Variants in NLRC5 observed in about 807,000 individuals in gnomAD.
The protein encoded by NLRC5 is NLR family CARD domain containing 5, also known as protein NLRC5.
Under a neutral mutation model 206.9 loss-of-function variants are expected in NLRC5, and 114 were observed. The ratio of observed to expected loss-of-function variants is 0.55; its 90% CI spans 0.47 to 0.64. NLRC5 has a LOEUF of 0.64. Ranked by LOEUF, NLRC5 falls within the 30% of genes least tolerant of loss-of-function variation. The pLI is 0.00. For missense variants in NLRC5, 2,008 were observed against 2,305.5 expected, an observed-to-expected ratio of 0.87 and a Z score of 2.64; for synonymous variants, 952 against 962.8, an observed-to-expected ratio of 0.99 and a Z score of 0.21.
At chr16:56,993,595 G>A (rs1291323041) in intron 1 of NLRC5, among the ~76,000 whole-genome samples, 1 of 152,092 alleles carries the variant, frequency 6.6e-6, no homozygotes, top group Non-Finnish European at 1.5e-5. Context: ...AGCTGGAGGG[G>A]GAGGGGCCAA....
rs551689369 is a variant in NLRC5 at position 57,027,977 on chromosome 16, T to G, written c.2076-95T>G. 277 of 723,284 alleles carry G rather than the reference T, an allele frequency of 3.8e-4. 2 individuals are homozygous for G. The East Asian group carries it at 6.2e-3, about 16-fold the overall frequency. The allele number at this position is 723,284 out of a possible 1,614,324, so 44.8% of individuals were successfully genotyped here. On this transcript the variant is annotated intron_variant, in intron 6 of 48. Transcript: ENST00000688547. ...GGCCATAATATGTATTTGTTAGTAC[T>G]ACTGTATTAAGCCCCATCTCTCTGA...
intron 4 of NLRC5, among the ~76,000 whole-genome samples, chr16:57,022,727 G>A (rs1398657769): frequency 2.0e-5 from 3 of 152,246 alleles, no homozygotes. Flanking sequence ...TTCAGCGGGG[G>A]AGCCTTTGGC....
chr16:57,006,330 CCT>C (rs2058897056), intron 1 of NLRC5, among the ~76,000 whole-genome samples: 1 of 151,042 alleles, frequency 6.6e-6, no homozygotes, highest in African/African-American at 2.4e-5. Context: ...TATTCTACAC[CCT>C]GTTTTGCCCC....
At position 57,077,349 on chromosome 16, in the gene NLRC5, T is replaced by C. The variant is rs143191901; in HGVS notation, c.4889T>C (p.Leu1630Pro). Residue 1630 changes from leucine to proline, a missense_variant, in exon 41 of 49, where the codon CTG becomes CCG. Coordinates refer to ENST00000688547, the MANE Select transcript of NLRC5 (RefSeq NM_001384950.1). The part of the protein sequence containing the change: ...DAGVQHLATI[L>P]PGLPELRKID... ...GGTGTCCAGCACTTAGCTACCATCCTGCCTGGGCTGCCAGAGCTCAGGAAG... is the reference window on the plus strand; with the variant it reads ...GGTGTCCAGCACTTAGCTACCATCCCGCCTGGGCTGCCAGAGCTCAGGAAG... 8.1e-6 allele frequency: 13 copies of C among 1,613,918 alleles called. No homozygotes were observed. Among genetic ancestry groups the C allele is most frequent in the African/African-American group, 1.3e-5 (1 of 74,890 alleles).
In NLRC5 at chr16:57,078,036, C is replaced by A; in HGVS notation, c.5081+16C>A. 1.3e-6 allele frequency: 2 copies of A among 1,575,626 alleles called. No homozygotes were observed. Among genetic ancestry groups the A allele is most frequent in the Admixed American group, 1.8e-5 (1 of 56,942 alleles). On this transcript the variant is annotated intron_variant, in intron 43 of 48. Transcript: ENST00000688547. ...GGGTCCTACAGTGAGTGGCCCCCTGCCCATACCATGCAGGGCTGGTGGGGA... is the reference window on the plus strand; with the variant it reads ...GGGTCCTACAGTGAGTGGCCCCCTGACCATACCATGCAGGGCTGGTGGGGA...
chr16:57,047,737 C>A, intron 23 of NLRC5, 109 bp downstream of exon 23: 1 of 936,688 alleles, frequency 1.1e-6, no homozygotes, highest in Non-Finnish European at 1.7e-6. Context: ...GATTTCTTCC[C>A]ACCAGCCCTG....
intron 8 of NLRC5, 104 bp from the exon 9 acceptor site, chr16:57,029,669 T>C: frequency 2.2e-6 from 2 of 902,908 alleles, no homozygotes; most frequent in Non-Finnish European, 3.6e-6. Context: ...TGGGCCCCTG[T>C]CTTATGTCTC....
intron 27 of NLRC5, among the ~76,000 whole-genome samples, chr16:57,056,744 C>T (rs922921815): frequency 1.3e-5 from 2 of 151,434 alleles, no homozygotes; most frequent in South Asian, 2.1e-4. Context: ...CTGCAACTTC[C>T]GCCTCCCAGG....
chr16:57,043,887 T>A, intron 20 of NLRC5: 1 of 412,590 alleles, frequency 2.4e-6, no homozygotes, highest in Non-Finnish European at 4.2e-6. Flanking sequence ...TTAGAGATTT[T>A]TTTTTTTAGG....
At chr16:57,007,718 G>A (rs564570095) in intron 1 of NLRC5, among the ~76,000 whole-genome samples, 3 of 152,264 alleles carry the variant, frequency 2.0e-5, no homozygotes, top group African/African-American at 7.2e-5. Flanking sequence ...AACAGAGTGA[G>A]ACTCTGTCTC....
chr16:57,025,880 C>T lies in NLRC5; in HGVS notation c.937C>T (p.Leu313Phe), dbSNP rs2061228931. 1 of 1,614,240 alleles carries T rather than the reference C, an allele frequency of 6.2e-7. No individual in the cohort carries two copies. Among genetic ancestry groups the T allele is most frequent in the East Asian group, 2.2e-5 (1 of 44,886 alleles). The part of the protein sequence containing the change: ...LLIFDGLDEA[L>F]QPMGPDGPGP... ...GATCTTTGATGGGCTAGATGAGGCC[C>T]TCCAGCCTATGGGTCCTGATGGCCC... is the stretch of plus-strand genomic sequence containing the variant. Residue 313 changes from leucine (L) to phenylalanine (F), a missense_variant, in exon 6 of 49, where the codon CTC (leucine) becomes TTC (phenylalanine). By Grantham distance (22) the Leu-to-Phe change is conservative (BLOSUM62 0). Coordinates refer to ENST00000688547, the MANE Select transcript of NLRC5 (RefSeq NM_001384950.1).
chr16:57,040,921 G>A (rs548045418), intron 17 of NLRC5, among the ~76,000 whole-genome samples: 5 of 144,658 alleles, frequency 3.5e-5, no homozygotes, highest in East Asian at 4.7e-4. Context: ...AGGCAGCCCC[G>A]TCAACCACCT....
At chr16:57,039,015 T>G (rs1597304826) in intron 15 of NLRC5, among the ~76,000 whole-genome samples, 3 of 152,100 alleles carry the variant, frequency 2.0e-5, no homozygotes, top group Admixed American at 6.5e-5. Flanking sequence ...TATTAATAAT[T>G]ATTTGTCATC....
chr16:57,052,466 T>G (rs1381643111), intron 24 of NLRC5: 1 of 147,680 alleles, frequency 6.8e-6, no homozygotes, highest in Admixed American at 6.8e-5. Context: ...AGAGTGAAAC[T>G]CCATCTCAGA....
intron 1 of NLRC5, among the ~76,000 whole-genome samples, chr16:57,005,989 AATGTATTTGT>A (rs1233818462): frequency 1.3e-5 from 2 of 151,324 alleles, no homozygotes; most frequent in South Asian, 2.1e-4. Flanking sequence ...CAGAAATATT[AATGTATTTGT>A]ATACACATTT....
intron 13 of NLRC5, among the ~76,000 whole-genome samples, chr16:57,035,284 G>A (rs537572498): frequency 4.0e-4 from 60 of 151,894 alleles, no homozygotes; most frequent in African/African-American, 1.3e-3. Context: ...TGACCCCCTC[G>A]CCTTGCCTTC....
intron 24 of NLRC5, among the ~76,000 whole-genome samples, chr16:57,052,169 G>C (rs2065007850): frequency 6.6e-6 from 1 of 152,168 alleles, no homozygotes; most frequent in African/African-American, 2.4e-5. Context: ...GCTCAGACTG[G>C]TTAGAATTTT....
At chr16:57,046,051 GGA>G (rs879742788) in intron 21 of NLRC5, among the ~76,000 whole-genome samples, 21 of 152,234 alleles carry the variant, frequency 1.4e-4, no homozygotes, top group Non-Finnish European at 2.2e-4. Context: ...CTGGCTGGGT[GGA>G]GAGAGTCACA....
At chr16:57,065,179 G>A in intron 32 of NLRC5, 33 bp from the exon 33 acceptor site, 1 of 1,424,796 alleles carries the variant, frequency 7.0e-7, no homozygotes, top group Non-Finnish European at 9.4e-7. Context: ...GCTCACCTTG[G>A]GGGGGCCTTA....
Sources: allele counts gnomAD v4.1 joint callset (sites outside exome capture counted in the v4.1 genomes callset), GRCh38; gene constraint gnomAD v4.1.1; transcripts MANE v1.5; gene names NCBI Gene and HGNC (gene_info 2026-07-23, HGNC 2026-07-21).